Variants in SSH2 observed in about 807,000 individuals in gnomAD.
SSH2 encodes the protein protein phosphatase Slingshot homolog 2.
SSH2 carries 37 observed loss-of-function variants against 135.2 expected under a neutral mutation model. The ratio of observed to expected loss-of-function variants is 0.27; its 90% CI spans 0.21 to 0.36. The LOEUF (loss-of-function observed/expected upper bound fraction) is 0.36. Among genes scored for constraint, SSH2 ranks in the 10% least tolerant of loss-of-function variants. The pLI is 1.00. For missense variants in SSH2, 1,408 were observed against 1,765.3 expected (o/e 0.80, Z 3.63); for synonymous variants, 628 against 646.2 (o/e 0.97, Z 0.43).
chr17:29,916,453 G>T (rs1052258346), intron 1 of SSH2, among the ~76,000 whole-genome samples: 9 of 150,770 alleles, frequency 6.0e-5, no homozygotes, highest in African/African-American at 2.2e-4. Context: ...TGTTGTTAAA[G>T]ATTTTTTTTT....
chr17:29,683,411 T>C (rs1413101030), intron 6 of SSH2, among the ~76,000 whole-genome samples: 1 of 152,172 alleles, frequency 6.6e-6, no homozygotes. Context: ...ACATAAAAAG[T>C]TCTGCTTTGA....
At chr17:29,895,217 T>C (rs1394584224) in intron 1 of SSH2, among the ~76,000 whole-genome samples, 6 of 142,914 alleles carry the variant, frequency 4.2e-5, no homozygotes, top group Non-Finnish European at 7.6e-5. Flanking sequence ...ATTATATATA[T>C]TTTATAAATA....
intron 3 of SSH2, among the ~76,000 whole-genome samples, chr17:29,753,026 G>T (rs906362579): frequency 4.6e-5 from 7 of 152,130 alleles, no homozygotes; most frequent in African/African-American, 1.7e-4. Flanking sequence ...TGTAATTGAG[G>T]ATAATATCTA....
At chr17:29,660,975 CACTT>C (rs1457858345) in intron 11 of SSH2, among the ~76,000 whole-genome samples, 1 of 147,806 alleles carries the variant, frequency 6.8e-6, no homozygotes, top group Non-Finnish European at 1.5e-5. Context: ...GTATGAGAAT[CACTT>C]GAACCCAAGA....
intron 3 of SSH2, among the ~76,000 whole-genome samples, chr17:29,707,391 G>C (rs1445849542): frequency 6.6e-6 from 1 of 152,118 alleles, no homozygotes; most frequent in South Asian, 2.1e-4. Context: ...TAAAAGAAAG[G>C]CCAGGAGTCA....
At chr17:29,762,877 T>G (rs1209646778) in intron 3 of SSH2, among the ~76,000 whole-genome samples, 1 of 152,234 alleles carries the variant, frequency 6.6e-6, no homozygotes, top group African/African-American at 2.4e-5. Context: ...GACTAAAATA[T>G]ATATCACTGA....
intron 3 of SSH2, among the ~76,000 whole-genome samples, chr17:29,721,008 T>C (rs1432691337): frequency 6.6e-6 from 1 of 152,228 alleles, no homozygotes; most frequent in African/African-American, 2.4e-5. Flanking sequence ...TTTATTAAGC[T>C]TTCTTGATGT....
intron 2 of SSH2, among the ~76,000 whole-genome samples, chr17:29,797,623 A>G (rs1567980731): frequency 6.6e-6 from 1 of 152,150 alleles, no homozygotes; most frequent in Non-Finnish European, 1.5e-5. Context: ...TTAGCCAGAC[A>G]TGGTGGTTCA....
chr17:29,849,944 C>A (rs764308281), intron 1 of SSH2, among the ~76,000 whole-genome samples: 2 of 144,228 alleles, frequency 1.4e-5, no homozygotes, highest in African/African-American at 5.1e-5. Flanking sequence ...GCAGGAGAAT[C>A]GCATGAACCC....
At chr17:29,788,478 A>G (rs2042007642) in intron 3 of SSH2, among the ~76,000 whole-genome samples, 3 of 152,122 alleles carry the variant, frequency 2.0e-5, no homozygotes, top group Admixed American at 1.3e-4. Context: ...GAACTATACC[A>G]TTAGTTCTCC....
chr17:29,699,046 C>T (rs921590329), intron 4 of SSH2, among the ~76,000 whole-genome samples: 1 of 152,190 alleles, frequency 6.6e-6, no homozygotes, highest in African/African-American at 2.4e-5. Flanking sequence ...GTACTTACTG[C>T]TCTGAGCAAA....
chr17:29,761,453 C>G (rs911134641), intron 3 of SSH2: 2 of 995,480 alleles, frequency 2.0e-6, no homozygotes, highest in African/African-American at 3.5e-5. Context: ...GCCAGCAGTT[C>G]GCCCCCACCC....
intron 3 of SSH2, among the ~76,000 whole-genome samples, chr17:29,735,664 T>C (rs1161609863): frequency 7.2e-6 from 1 of 138,232 alleles, no homozygotes; most frequent in East Asian, 2.1e-4. Flanking sequence ...GTCACTGCAC[T>C]CCAGCCTGGA....
intron 3 of SSH2, among the ~76,000 whole-genome samples, chr17:29,770,621 C>T (rs564594252): frequency 7.8e-4 from 119 of 152,028 alleles, no homozygotes; most frequent in African/African-American, 2.8e-3. Context: ...TACAGGTGTG[C>T]ACCACCACGC....
At chr17:29,757,496 T>A (rs1159531276) in intron 3 of SSH2, among the ~76,000 whole-genome samples, 1 of 152,034 alleles carries the variant, frequency 6.6e-6, no homozygotes, top group Non-Finnish European at 1.5e-5. Flanking sequence ...TTAATGATGA[T>A]AAGCTGTGCA....
intron 3 of SSH2, chr17:29,787,594 C>T (rs148763076): frequency 6.6e-6 from 1 of 152,232 alleles, no homozygotes; most frequent in East Asian, 1.9e-4. Flanking sequence ...TTTTACATTC[C>T]CACCAATAGT....
intron 6 of SSH2, among the ~76,000 whole-genome samples, chr17:29,682,269 C>A (rs1167016505): frequency 6.6e-6 from 1 of 152,034 alleles, no homozygotes; most frequent in Admixed American, 6.6e-5. Flanking sequence ...GGTTCCTGTT[C>A]CTGTTTTATA....
intron 1 of SSH2, among the ~76,000 whole-genome samples, chr17:29,865,035 C>G (rs191419052): frequency 6.6e-6 from 1 of 152,222 alleles, no homozygotes; most frequent in Admixed American, 6.5e-5. Flanking sequence ...ATGGTGGAAT[C>G]ATATCACTCC....
intron 3 of SSH2, among the ~76,000 whole-genome samples, chr17:29,743,224 A>C (rs947398047): frequency 2.0e-5 from 3 of 152,228 alleles, no homozygotes; most frequent in African/African-American, 7.2e-5. Context: ...ACAGAAGTTC[A>C]TTTTTAAGCT....
Sources: allele counts gnomAD v4.1 joint callset (sites outside exome capture counted in the v4.1 genomes callset), GRCh38; gene constraint gnomAD v4.1.1; transcripts MANE v1.5; gene names NCBI Gene and HGNC (gene_info 2026-07-23, HGNC 2026-07-21).